Variants in EIPR1 observed in about 807,000 individuals in gnomAD.
EIPR1 encodes the protein EARP and GARP complex-interacting protein 1.
EIPR1 carries 25 observed loss-of-function variants against 48.1 expected under a neutral mutation model. The ratio of observed to expected loss-of-function variants is 0.52; its 90% CI spans 0.38 to 0.73. EIPR1 has a LOEUF of 0.73. Ranked by LOEUF, EIPR1 falls within the 30% of genes least tolerant of loss-of-function variation. EIPR1 has a pLI of 0.00. For synonymous variants in EIPR1, 204 were observed against 201.9 expected (o/e 1.01, Z -0.09); for missense variants, 415 against 506.2 (o/e 0.82, Z 1.73).
intron 4 of EIPR1, among the ~76,000 whole-genome samples, chr2:3,226,592 T>C (rs1666073519): frequency 6.6e-6 from 1 of 152,244 alleles, no homozygotes; most frequent in African/African-American, 2.4e-5. Context: ...TTTCTTTTGC[T>C]GTGCAGAAAC....
intron 1 of EIPR1, among the ~76,000 whole-genome samples, chr2:3,360,896 G>A (rs996774460): frequency 6.6e-6 from 1 of 151,728 alleles, no homozygotes; most frequent in Non-Finnish European, 1.5e-5. Flanking sequence ...ATGACCCTCA[G>A]GAAGAGGAAA....
At chr2:3,342,676 G>A (rs1260318690) in intron 2 of EIPR1, among the ~76,000 whole-genome samples, 3 of 152,216 alleles carry the variant, frequency 2.0e-5, no homozygotes, top group Admixed American at 6.5e-5. Context: ...CTGGATGCAC[G>A]CATCTCCTCT....
rs1669146069 is a variant in EIPR1, at chr2:3,312,022, A to G, written c.259+25995T>C. Among the ~76,000 whole-genome samples, 2 of 152,116 alleles carry G rather than the reference A, an allele frequency of 1.3e-5. No individual in the cohort carries two copies. Among genetic ancestry groups the G allele is most frequent in the South Asian group, 4.1e-4 (2 of 4,826 alleles). On this transcript the variant is annotated intron_variant, in intron 3 of 8. Transcript: ENST00000382125. The surrounding 1 kb of genome is among the most constrained non-coding windows in gnomAD (Gnocchi z 5.5). The stretch of plus-strand genomic sequence containing the variant: ...CGGTCACTCTCGTGCTGACATACAA[A>G]TGACACCCTCCACCCTATAGCTTTC...
intron 5 of EIPR1, among the ~76,000 whole-genome samples, chr2:3,204,288 C>T (rs1665147601): frequency 6.6e-6 from 1 of 152,208 alleles, no homozygotes; most frequent in South Asian, 2.1e-4. Context: ...ATTGGTCATG[C>T]TAACGCCTGT....
intron 3 of EIPR1, among the ~76,000 whole-genome samples, chr2:3,336,542 C>T (rs1165725710): frequency 1.3e-5 from 2 of 152,058 alleles, no homozygotes; most frequent in African/African-American, 4.8e-5. Flanking sequence ...CCAAGGCAGG[C>T]GGATCACCTG....
chr2:3,334,156 C>T (rs555413067), intron 3 of EIPR1, among the ~76,000 whole-genome samples: 56 of 152,288 alleles, frequency 3.7e-4, no homozygotes, highest in Admixed American at 5.9e-4. Flanking sequence ...ACACAGGAAA[C>T]GCCGCAAGAT....
intron 3 of EIPR1, among the ~76,000 whole-genome samples, chr2:3,275,341 T>C (rs1238728229): frequency 6.7e-6 from 1 of 149,902 alleles, no homozygotes; most frequent in Non-Finnish European, 1.5e-5. Context: ...AATTCTAAAC[T>C]TATATGCCCT....
chr2:3,205,078 G>C lies in EIPR1; in HGVS notation c.517-8061C>G, dbSNP rs1665183025. Among the ~76,000 whole-genome samples, 2 of 152,206 alleles carry C rather than the reference G, an allele frequency of 1.3e-5. 1 individual carries two copies. The highest frequency in any genetic ancestry group is 1.3e-4 in the Admixed American group (2 of 15,280). ...GAACAGCAGGGTGAAGAAACAGCAA[G>C]GCTGTGGTGTCTAGGGCGCAGGACG... On this transcript the variant is annotated intron_variant, in intron 5 of 8. Coordinates refer to ENST00000382125, the MANE Select transcript of EIPR1 (RefSeq NM_003310.5).
At chr2:3,330,547 G>A (rs1309283093) in intron 3 of EIPR1, among the ~76,000 whole-genome samples, 1 of 152,102 alleles carries the variant, frequency 6.6e-6, no homozygotes, top group African/African-American at 2.4e-5. Flanking sequence ...GAGACAGTGT[G>A]AGCAGAGGTA....
At chr2:3,277,597 G>A (rs1453886285) in intron 3 of EIPR1, among the ~76,000 whole-genome samples, 1 of 152,324 alleles carries the variant, frequency 6.6e-6, no homozygotes, top group East Asian at 1.9e-4. Flanking sequence ...ACTCCCCGGG[G>A]TGTTCATCTG....
intron 4 of EIPR1, among the ~76,000 whole-genome samples, chr2:3,235,515 C>G (rs1666380006): frequency 6.6e-6 from 1 of 152,146 alleles, no homozygotes; most frequent in African/African-American, 2.4e-5. Flanking sequence ...GGCAAGTGCT[C>G]AAGTGGGCCA....
rs1276967536 is a variant in EIPR1 at position 3,374,774 on chromosome 2, T to C, written c.42+2874A>G. Among the ~76,000 whole-genome samples the C allele has an allele frequency of 9.5e-4, 139 of 145,684 alleles. 1 individual carries two copies. The highest frequency in any genetic ancestry group is 3.4e-3 in the African/African-American group (134 of 39,096). ...TGGAGAAATAGGAACACTTTTACAC[T>C]GTTGGTGGGACTGTAAACTAGTTCA... is the stretch of plus-strand genomic sequence containing the variant. On this transcript the variant is annotated intron_variant, in intron 1 of 8. Coordinates refer to ENST00000382125, the MANE Select transcript of EIPR1 (RefSeq NM_003310.5).
chr2:3,223,391 G>A (rs1421930231), intron 4 of EIPR1, among the ~76,000 whole-genome samples: 4 of 152,176 alleles, frequency 2.6e-5, no homozygotes, highest in African/African-American at 9.7e-5. Flanking sequence ...TCCCACTCAT[G>A]GGAATATGCA....
intron 3 of EIPR1, among the ~76,000 whole-genome samples, chr2:3,282,015 C>T (rs1451513465): frequency 3.3e-5 from 5 of 152,150 alleles, no homozygotes; most frequent in Admixed American, 1.3e-4. Context: ...AGGGGCACTG[C>T]GTACGTGGAA....
At chr2:3,318,224 C>A (rs769078142) in intron 3 of EIPR1, among the ~76,000 whole-genome samples, 6 of 152,206 alleles carry the variant, frequency 3.9e-5, no homozygotes, top group Non-Finnish European at 7.3e-5. Flanking sequence ...GAGAAGCTGG[C>A]CCCGGTTCTT....
intron 3 of EIPR1, among the ~76,000 whole-genome samples, chr2:3,325,943 C>T (rs576515233): frequency 4.5e-4 from 68 of 152,354 alleles, no homozygotes; most frequent in African/African-American, 1.6e-3. Flanking sequence ...AGGGAAGGCT[C>T]GGTCAGTGAG....
chr2:3,328,258 T>A (rs1669759373), intron 3 of EIPR1, among the ~76,000 whole-genome samples: 1 of 152,174 alleles, frequency 6.6e-6, no homozygotes, highest in African/African-American at 2.4e-5. Context: ...AAGGACCATT[T>A]CCACCTGGGG....
At chr2:3,196,742 T>A in intron 6 of EIPR1, 139 bp downstream of exon 6, 1 of 1,302,080 alleles carries the variant, frequency 7.7e-7, no homozygotes, top group Non-Finnish European at 1.0e-6. Flanking sequence ...TGAAGATTTA[T>A]GATTTCCTAC....
At chr2:3,316,554 C>A (rs957581457) in intron 3 of EIPR1, among the ~76,000 whole-genome samples, 2 of 152,216 alleles carry the variant, frequency 1.3e-5, no homozygotes, top group Admixed American at 1.3e-4. Flanking sequence ...TGGACAGAAT[C>A]CTGCCTCTCT....
Sources: allele counts gnomAD v4.1 joint callset (sites outside exome capture counted in the v4.1 genomes callset), GRCh38; gene constraint gnomAD v4.1.1; non-coding constraint Gnocchi (gnomAD v3.1); transcripts MANE v1.5; gene names NCBI Gene and HGNC (gene_info 2026-07-23, HGNC 2026-07-21).